Variants in SLC9C2 observed in about 807,000 individuals in gnomAD.
SLC9C2 encodes sodium/hydrogen exchanger 11.
In SLC9C2, 75 loss-of-function variants were observed where a neutral mutation model predicts 140.2. That is an observed-to-expected ratio of 0.53 (90% confidence interval 0.44 to 0.65). SLC9C2 has a LOEUF of 0.65. SLC9C2 is among the 30% of genes least tolerant of loss of function. SLC9C2 has a pLI of 0.00. For missense variants in SLC9C2, 1,074 were observed against 1,331.8 expected (o/e 0.81, Z 3.01); for synonymous variants, 375 against 420.9 (o/e 0.89, Z 1.34).
intron 11 of SLC9C2, among the ~76,000 whole-genome samples, chr1:173,554,523 T>C (rs1391854481): frequency 6.6e-6 from 1 of 152,234 alleles, no homozygotes; most frequent in Non-Finnish European, 1.5e-5. Flanking sequence ...AAACCTTCTG[T>C]CTTGTTTAAG....
Position 173,521,512 on chromosome 1 carries a change from A to ATGTGTG in SLC9C2, c.2641-119_2641-114dup, listed in dbSNP as rs532466160. On this transcript the variant is annotated intron_variant, in intron 21 of 27. Coordinates refer to ENST00000367714, the MANE Select transcript of SLC9C2 (RefSeq NM_178527.4). ...ATATATATATATGATTTTATTATAT[A>ATGTGTG]TGTGTGTGTGTGTATATATATATAT... is the stretch of plus-strand genomic sequence containing the variant. 700 of 270,004 alleles carry ATGTGTG rather than the reference A, an allele frequency of 2.6e-3. 6 individuals carry two copies. The highest frequency in any genetic ancestry group is 0.015 in the African/African-American group (646 of 42,180). The allele number at this position is 270,004 out of a possible 1,614,324, so 16.7% of individuals were successfully genotyped here.
intron 13 of SLC9C2, among the ~76,000 whole-genome samples, chr1:173,539,091 T>A (rs938390043): frequency 6.6e-6 from 1 of 152,236 alleles, no homozygotes; most frequent in African/African-American, 2.4e-5. Flanking sequence ...TAACTTTATT[T>A]AAGCCACCAT....
At chr1:173,537,634 A>G (rs1662074297) in intron 13 of SLC9C2, among the ~76,000 whole-genome samples, 1 of 152,100 alleles carries the variant, frequency 6.6e-6, no homozygotes, top group Admixed American at 6.6e-5. Flanking sequence ...ACACACACAC[A>G]TATATACGCA....
At chr1:173,504,270 G>A (rs1037558448) in intron 26 of SLC9C2, among the ~76,000 whole-genome samples, 3 of 152,058 alleles carry the variant, frequency 2.0e-5, no homozygotes, top group African/African-American at 7.2e-5. Context: ...TGCTGCCAAG[G>A]GAAAAGCTTA....
At chr1:173,581,739 T>A (rs998435176) in intron 7 of SLC9C2, 108 bp downstream of exon 7, 2 of 847,662 alleles carry the variant, frequency 2.4e-6, no homozygotes, top group African/African-American at 3.5e-5. Context: ...GGACACACAG[T>A]GGGGCCACAA....
intron 9 of SLC9C2, among the ~76,000 whole-genome samples, chr1:173,570,406 G>A (rs1289382047): frequency 1.3e-5 from 2 of 152,052 alleles, no homozygotes; most frequent in Non-Finnish European, 2.9e-5. Flanking sequence ...TTCTGCTGTG[G>A]TTGAGCTGGT....
intron 9 of SLC9C2, among the ~76,000 whole-genome samples, chr1:173,560,833 A>G (rs1664057524): frequency 1.3e-5 from 2 of 151,978 alleles, no homozygotes; most frequent in South Asian, 4.1e-4. Flanking sequence ...GTCTCACTCT[A>G]TCACCCAGGC....
chr1:173,533,915 C>A, intron 16 of SLC9C2, 118 bp from the exon 17 acceptor site: 1 of 1,154,694 alleles, frequency 8.7e-7, no homozygotes, highest in Non-Finnish European at 1.1e-6. Flanking sequence ...GAAAGTTGAG[C>A]TTTAAGTTAT....
chr1:173,521,481 A>G (rs1053583891), intron 21 of SLC9C2, 82 bp from the exon 22 acceptor site: 13 of 69,870 alleles, frequency 1.9e-4, no homozygotes, highest in Non-Finnish European at 2.4e-4. Context: ...TATTTTCTAT[A>G]TATATATATA....
chr1:173,582,427 C>A (rs1381757690), intron 6 of SLC9C2, among the ~76,000 whole-genome samples: 2 of 152,124 alleles, frequency 1.3e-5, no homozygotes, highest in Non-Finnish European at 2.9e-5. Flanking sequence ...GCCCCCAGCC[C>A]AGGAGACATT....
At position 173,536,758 on chromosome 1, in the gene SLC9C2, T is replaced by TA. The variant is rs1661989868; in HGVS notation, c.1655+183dup. Among the ~76,000 whole-genome samples the TA allele has an allele frequency of 4.0e-5, 6 of 151,756 alleles. No individual in the cohort carries two copies. In the South Asian group the frequency reaches 1.2e-3, roughly 32 times the overall value. On this transcript the variant is annotated intron_variant, in intron 14 of 27. Coordinates refer to ENST00000367714, the MANE Select transcript of SLC9C2 (RefSeq NM_178527.4). ...ACTTTAGAGGAAAAAAATAAACCAA[T>TA]AAAATAAAAAGCAGATGGATAGATG...
At chr1:173,519,851 A>G (rs1206327517) in intron 22 of SLC9C2, among the ~76,000 whole-genome samples, 2 of 152,044 alleles carry the variant, frequency 1.3e-5, no homozygotes, top group South Asian at 2.1e-4. Context: ...TTTCTCATGT[A>G]AAAAATAGGG....
At chr1:173,509,916 T>C (rs1454037875) in intron 23 of SLC9C2, among the ~76,000 whole-genome samples, 1 of 152,202 alleles carries the variant, frequency 6.6e-6, no homozygotes, top group Non-Finnish European at 1.5e-5. Flanking sequence ...CTATAGACTT[T>C]AATAAGAGAC....
At chr1:173,546,629 A>G (rs2102051411) in intron 13 of SLC9C2, among the ~76,000 whole-genome samples, 1 of 152,184 alleles carries the variant, frequency 6.6e-6, no homozygotes, top group East Asian at 1.9e-4. Context: ...TTCAACAGAA[A>G]AAAATGAAAG....
intron 8 of SLC9C2, among the ~76,000 whole-genome samples, chr1:173,574,746 G>A (rs1377036164): frequency 2.0e-5 from 3 of 151,940 alleles, no homozygotes; most frequent in African/African-American, 2.4e-5. Flanking sequence ...TCCTGACCTC[G>A]TGATTCGCCC....
At chr1:173,529,395 C>G (rs981935329) in intron 18 of SLC9C2, among the ~76,000 whole-genome samples, 4 of 151,962 alleles carry the variant, frequency 2.6e-5, no homozygotes, top group African/African-American at 9.7e-5. Context: ...CCTCTAGGCT[C>G]CCATCTAGTA....
At chr1:173,531,225 A>G (rs1661558358) in intron 17 of SLC9C2, among the ~76,000 whole-genome samples, 1 of 152,202 alleles carries the variant, frequency 6.6e-6, no homozygotes, top group Non-Finnish European at 1.5e-5. Context: ...TGTTCAATTA[A>G]AAACCATGGT....
chr1:173,597,907 C>A lies in SLC9C2; in HGVS notation c.354G>T (p.Trp118Cys), dbSNP rs78264456. ...TTTGTTTTAAATGTGTTCTTACCTG[C>A]CAAAACATTTTCTTGAGTGTATAAA... ...VEFYTLKKMF[W>C]QVLLTGLISF... The change falls in exon 4 of 28, where the codon TGG (tryptophan) becomes TGT (cysteine). Residue 118 changes from tryptophan (W) to cysteine (C), a missense_variant. Transcript: ENST00000367714. The A allele has an allele frequency of 6.3e-7, 1 of 1,580,020 alleles. No individual in the cohort carries two copies. Among genetic ancestry groups the A allele is most frequent in the African/African-American group, 1.4e-5 (1 of 72,904 alleles).
intron 9 of SLC9C2, among the ~76,000 whole-genome samples, chr1:173,565,809 T>C (rs1356561256): frequency 6.6e-6 from 1 of 152,206 alleles, no homozygotes; most frequent in African/African-American, 2.4e-5. Flanking sequence ...AGTATGGACA[T>C]TTTAACAATA....
Sources: gnomAD v4.1 joint callset for allele counts (sites outside exome capture counted in the v4.1 genomes callset) on GRCh38, gnomAD v4.1.1 for gene constraint, MANE v1.5 for transcripts, NCBI Gene and HGNC (gene_info 2026-07-23, HGNC 2026-07-21) for gene names.